SLC20A1: variants seen among roughly 807,000 people sequenced by gnomAD.
The protein encoded by SLC20A1 is solute carrier family 20 member 1.
Under a neutral mutation model 62.7 loss-of-function variants are expected in SLC20A1, and 28 were observed. The observed-to-expected ratio is 0.45, with a 90% confidence interval of 0.33 to 0.61. SLC20A1 has a LOEUF of 0.61. SLC20A1 is among the 20% of genes least tolerant of loss of function. The pLI is 0.02. For missense variants in SLC20A1, 673 were observed against 838.6 expected (o/e 0.80, Z 2.44); for synonymous variants, 305 against 302.9 (o/e 1.01, Z -0.07).
At chr2:112,654,349 A>G (rs1024861582) in intron 5 of SLC20A1, among the ~76,000 whole-genome samples, 4 of 152,232 alleles carry the variant, frequency 2.6e-5, no homozygotes, top group Non-Finnish European at 4.4e-5. Context: ...CTTAACACTC[A>G]TTCTTTATGT....
intron 4 of SLC20A1, among the ~76,000 whole-genome samples, chr2:112,651,610 A>G (rs1403706163): frequency 6.6e-6 from 1 of 151,862 alleles, no homozygotes; most frequent in African/African-American, 2.4e-5. Flanking sequence ...GTTTCACCGT[A>G]TTACCCAGGA....
chr2:112,649,716 C>A (rs928100715), intron 4 of SLC20A1, among the ~76,000 whole-genome samples: 3 of 152,166 alleles, frequency 2.0e-5, no homozygotes, highest in Non-Finnish European at 2.9e-5. Context: ...TGCTTCAGTG[C>A]TCCTGTTGAG....
In SLC20A1 at chr2:112,659,836, T is replaced by C. The variant is rs917552741; in HGVS notation, c.1607+74T>C. ...TATCCTTGTCACAGGCCTGTGCTTG[T>C]GGTAGTGGTACTCCTAGCATTTACA... On this transcript the variant is annotated intron_variant, in intron 8 of 10. Coordinates refer to ENST00000272542, the MANE Select transcript of SLC20A1 (RefSeq NM_005415.5). The C allele has an allele frequency of 6.0e-6, 8 of 1,325,320 alleles. No individual in the cohort carries two copies. In the African/African-American group the frequency reaches 8.8e-5, roughly 15 times the overall value. 82.1% of individuals were successfully genotyped at this position (1,325,320 alleles called of 1,614,324 possible).
chr2:112,660,807 T>A, intron 9 of SLC20A1: 1 of 522,168 alleles, frequency 1.9e-6, no homozygotes, highest in Admixed American at 3.6e-5. Context: ...GAGAAAGCTG[T>A]GTATGCTAAG....
At chr2:112,657,531 T>TA (rs979946382) in intron 6 of SLC20A1, among the ~76,000 whole-genome samples, 3 of 152,214 alleles carry the variant, frequency 2.0e-5, no homozygotes, top group African/African-American at 7.2e-5. Context: ...CTTGATCAGT[T>TA]GCCAGTGACA....
In SLC20A1 at chr2:112,656,911, A is replaced by C. The variant is rs1686604859; in HGVS notation, c.659-211A>C. ...AGTCCCGCAGGTGTTCAAGTGGGCTAGGCTGGTGTGGGTTTTCAGATGATC... is the reference window on the plus strand; with the variant it reads ...AGTCCCGCAGGTGTTCAAGTGGGCTCGGCTGGTGTGGGTTTTCAGATGATC... On this transcript the variant is annotated intron_variant, in intron 5 of 10. Coordinates refer to ENST00000272542, the MANE Select transcript of SLC20A1 (RefSeq NM_005415.5). 5.0e-6 allele frequency: 3 copies of C among 595,794 alleles called. No individual in the cohort carries two copies. In the African/African-American group the frequency reaches 5.6e-5, roughly 11 times the overall value. The allele number at this position is 595,794 out of a possible 1,614,324, so 36.9% of individuals were successfully genotyped here. A position where few individuals can be genotyped will look rare whatever the true frequency, so the allele number is the denominator to read the frequency against.
chr2:112,652,432 A>G, intron 4 of SLC20A1: 1 of 481,032 alleles, frequency 2.1e-6, no homozygotes, highest in Non-Finnish European at 3.7e-6. Context: ...GAATGTGGGT[A>G]TTGCAATCTT....
rs574877471 is a variant in SLC20A1, at chr2:112,658,922, T to C, written c.876T>C (p.Ile292=). Residue 292 remains isoleucine (I), a synonymous_variant, in exon 7 of 11, where the codon ATT becomes ATC. Transcript: ENST00000272542. ...HEETKLSVGD[I]ENKHPVSEVG... Reference sequence around the variant, plus strand: ...AAACAAAGTTGTCTGTTGGTGATATTGAAAACAAGCATCCTGTTTCTGAGG... The same window carrying C: ...AAACAAAGTTGTCTGTTGGTGATATCGAAAACAAGCATCCTGTTTCTGAGG... 6.2e-7 allele frequency: 1 copy of C among 1,614,192 alleles called. No homozygotes were observed. Among genetic ancestry groups the C allele is most frequent in the African/African-American group, 1.3e-5 (1 of 75,050 alleles).
rs1282576890 is a variant in SLC20A1 at position 112,646,137 on chromosome 2, G to T, written c.-267+8G>T. On this transcript the variant is annotated splice_region_variant and intron_variant, in intron 1 of 10. Coordinates refer to ENST00000272542, the MANE Select transcript of SLC20A1 (RefSeq NM_005415.5). ...CGCCCTCCCTTTTCCCTGGTGAGTA[G>T]TGGCGCCGCCTCGTAAAGGCTCTTT... 6.6e-6 allele frequency: 1 copy of T among 152,026 alleles called. No homozygotes were observed. Among genetic ancestry groups the T allele is most frequent in the African/African-American group, 2.4e-5 (1 of 41,392 alleles). 9.4% of individuals were successfully genotyped at this position (152,026 alleles called of 1,614,324 possible).
At chr2:112,660,663 A>AC in intron 9 of SLC20A1, 91 bp downstream of exon 9, 1 of 1,094,520 alleles carries the variant, frequency 9.1e-7, no homozygotes, top group Non-Finnish European at 1.3e-6. Context: ...CTCTAAAGTA[A>AC]CCAAGTTTGT....
intron 5 of SLC20A1, among the ~76,000 whole-genome samples, chr2:112,655,766 C>G (rs1686568356): frequency 6.6e-6 from 1 of 152,138 alleles, no homozygotes. Context: ...GTGGCACGAT[C>G]TTGGCTCACT....
At chr2:112,662,789 C>T (rs1686787159) in intron 10 of SLC20A1, 75 bp from the exon 11 acceptor site, 2 of 1,483,792 alleles carry the variant, frequency 1.3e-6, no homozygotes, top group Non-Finnish European at 1.8e-6. Flanking sequence ...CTTGTCCAAA[C>T]AGTCTCAGGT....
intron 4 of SLC20A1, among the ~76,000 whole-genome samples, chr2:112,647,952 A>T (rs1477482993): frequency 3.3e-5 from 5 of 152,232 alleles, no homozygotes; most frequent in Non-Finnish European, 7.3e-5. Flanking sequence ...AAAATTGAAT[A>T]CTATGATGTG....
chr2:112,657,515 A>G (rs1686623237), intron 6 of SLC20A1, among the ~76,000 whole-genome samples: 1 of 152,188 alleles, frequency 6.6e-6, no homozygotes, highest in African/African-American at 2.4e-5. Flanking sequence ...GAATTTTTTT[A>G]TGTTCCTTGA....
rs760851519 is a variant in SLC20A1 at position 112,663,056 on chromosome 2, TTTGG to T, written c.*32_*35del. 1.6e-5 allele frequency: 26 copies of T among 1,611,658 alleles called. No homozygotes were observed. Among genetic ancestry groups the T allele is most frequent in the Non-Finnish European group, 2.2e-5 (26 of 1,178,000 alleles). Reference sequence around the variant, plus strand: ...TTTGAGATTAAAATTTGTGTCAATGTTTGGGACCATCTTAGGTATTCCTGCTCCC... The same window carrying T: ...TTTGAGATTAAAATTTGTGTCAATGTGACCATCTTAGGTATTCCTGCTCCC... On this transcript the variant is annotated 3_prime_UTR_variant, in exon 11 of 11. Transcript: ENST00000272542.
Position 112,662,854 on chromosome 2 carries a change from T to G in SLC20A1, c.1879-10T>G. 6.2e-7 allele frequency: 1 copy of G among 1,612,926 alleles called. No individual in the cohort carries two copies. Among genetic ancestry groups the G allele is most frequent in the Non-Finnish European group, 8.5e-7 (1 of 1,179,680 alleles). The stretch of plus-strand genomic sequence containing the variant: ...CAATAACCTGTTTCCTTGGTCTGCT[T>G]CTCTTCTAGGTGGGCTCTGTTGTGT... On this transcript the variant is annotated splice_polypyrimidine_tract_variant and intron_variant, in intron 10 of 10. Coordinates refer to ENST00000272542, the MANE Select transcript of SLC20A1 (RefSeq NM_005415.5).
intron 3 of SLC20A1, 87 bp from the exon 4 acceptor site, chr2:112,647,566 A>G: frequency 6.3e-7 from 1 of 1,577,898 alleles, no homozygotes; most frequent in East Asian, 2.2e-5. Flanking sequence ...GACAGACCCA[A>G]GAATTTTGAA....
Position 112,646,814 on chromosome 2 carries a change from C to A in SLC20A1, c.-15C>A. 1 of 1,589,564 alleles carries A rather than the reference C, an allele frequency of 6.3e-7. No individual in the cohort carries two copies. Among genetic ancestry groups the A allele is most frequent in the Non-Finnish European group, 8.6e-7 (1 of 1,163,634 alleles). ...GCTCAGTAGTTCTCTTACTAAACAA[C>A]CACTACTCCAGAGAATGGCAACGCT... On this transcript the variant is annotated 5_prime_UTR_variant, in exon 2 of 11. Coordinates refer to ENST00000272542, the MANE Select transcript of SLC20A1 (RefSeq NM_005415.5).
chr2:112,659,583 A>G lies in SLC20A1; in HGVS notation c.1428A>G (p.Ser476=), dbSNP rs966089323. The G allele has an allele frequency of 1.2e-6, 2 of 1,614,130 alleles. No homozygotes were observed. The highest frequency in any genetic ancestry group is 2.7e-5 in the African/African-American group (2 of 74,952). The change falls in exon 8 of 11, where the codon TCA becomes TCG. Residue 476 remains serine (S), a synonymous_variant. Transcript: ENST00000272542. The stretch of plus-strand genomic sequence containing the variant: ...GCAATGCTGTGTCTGACCTTCACTC[A>G]GCATCTGAGATAGACATGAGTGTCA... ...SYCNAVSDLH[S]ASEIDMSVKA...
Sources: allele counts gnomAD v4.1 joint callset (sites outside exome capture counted in the v4.1 genomes callset), GRCh38; gene constraint gnomAD v4.1.1; transcripts MANE v1.5; gene names NCBI Gene and HGNC (gene_info 2026-07-23, HGNC 2026-07-21).